CATSPERB: variants seen among roughly 807,000 people sequenced by gnomAD.
The protein encoded by CATSPERB is cation channel sperm-associated auxiliary subunit beta.
A neutral mutation model predicts 128.3 loss-of-function variants in CATSPERB; 93 were observed. That is an observed-to-expected ratio of 0.72 (90% CI 0.61 to 0.86). The LOEUF (loss-of-function observed/expected upper bound fraction) is 0.86. CATSPERB is among the 40% of genes least tolerant of loss of function. The pLI is 0.00. For missense variants in CATSPERB, 1,153 were observed against 1,329.5 expected, an observed-to-expected ratio of 0.87 and a Z score of 2.06; for synonymous variants, 381 against 448.8, an observed-to-expected ratio of 0.85 and a Z score of 1.91.
intron 22 of CATSPERB, among the ~76,000 whole-genome samples, chr14:91,600,349 A>G (rs1296790306): frequency 1.3e-5 from 2 of 152,196 alleles, no homozygotes; most frequent in Non-Finnish European, 2.9e-5. Context: ...TTTGATTTGT[A>G]TATCTCTAAT....
chr14:91,639,372 C>T, intron 15 of CATSPERB, 122 bp from the exon 16 acceptor site: 3 of 751,748 alleles, frequency 4.0e-6, no homozygotes, highest in Non-Finnish European at 6.3e-6. Context: ...CCCTGAGACT[C>T]CTGAATTAGG....
chr14:91,705,816 T>C (rs902022256), intron 6 of CATSPERB, among the ~76,000 whole-genome samples: 2 of 152,216 alleles, frequency 1.3e-5, no homozygotes, highest in African/African-American at 2.4e-5. Flanking sequence ...GGGTAGACAA[T>C]GAGCCTTTCG....
At chr14:91,655,818 G>T (rs892464968) in intron 15 of CATSPERB, among the ~76,000 whole-genome samples, 8 of 152,042 alleles carry the variant, frequency 5.3e-5, no homozygotes, top group African/African-American at 1.9e-4. Context: ...CTTAGAGAAA[G>T]ATATCAATAT....
rs1566732458 is a variant in CATSPERB, at chr14:91,691,521, A to G, written c.864+2T>C. On this transcript the variant is annotated splice_donor_variant, in intron 10 of 26. Coordinates refer to ENST00000256343, the MANE Select transcript of CATSPERB (RefSeq NM_024764.4). LOFTEE classifies it high-confidence loss of function. ...AGCCCTGGGAAATATAAAGCTTCTT[A>G]CCCTTTCAAAACCACAAAAGTCTGC... The G allele has an allele frequency of 6.2e-7, 1 of 1,602,208 alleles. No individual in the cohort carries two copies.
At chr14:91,694,119 T>TAA (rs33993044) in intron 7 of CATSPERB, among the ~76,000 whole-genome samples, 1,592 of 151,414 alleles carry the variant, frequency 0.011, 27 homozygotes, top group African/African-American at 0.035. Context: ...ACATAAATAA[T>TAA]AAAAAAAAAT....
At chr14:91,686,472 A>G (rs1895377563) in intron 10 of CATSPERB, among the ~76,000 whole-genome samples, 1 of 152,174 alleles carries the variant, frequency 6.6e-6, no homozygotes, top group Non-Finnish European at 1.5e-5. Context: ...ATCATTAGTA[A>G]AAGAGGTCTT....
At chr14:91,622,015 CA>C (rs1894057753) in intron 18 of CATSPERB, 78 bp from the exon 19 acceptor site, 1 of 908,638 alleles carries the variant, frequency 1.1e-6, no homozygotes, top group Admixed American at 2.9e-5. Context: ...ACATAGCTAA[CA>C]AATACACTGT....
intron 11 of CATSPERB, among the ~76,000 whole-genome samples, chr14:91,677,741 T>C (rs910683987): frequency 6.6e-6 from 1 of 152,174 alleles, no homozygotes; most frequent in African/African-American, 2.4e-5. Flanking sequence ...CATTCTACTA[T>C]AAAGGCACAT....
At chr14:91,668,503 G>A (rs1170988006) in intron 14 of CATSPERB, among the ~76,000 whole-genome samples, 4 of 152,192 alleles carry the variant, frequency 2.6e-5, no homozygotes, top group African/African-American at 9.7e-5. Flanking sequence ...AGATGTGGGT[G>A]GGGCCAAATA....
At chr14:91,693,006 C>T (rs571297625) in intron 9 of CATSPERB, 120 bp downstream of exon 9, 280 of 726,832 alleles carry the variant, frequency 3.9e-4, no homozygotes, top group Non-Finnish European at 5.3e-4. Context: ...TTATGTTTTT[C>T]GAAAGAAAGA....
At chr14:91,649,501 C>CA (rs1421837172) in intron 15 of CATSPERB, among the ~76,000 whole-genome samples, 7 of 145,466 alleles carry the variant, frequency 4.8e-5, no homozygotes, top group Non-Finnish European at 9.1e-5. Context: ...ATTGTACACA[C>CA]TTTTTTTTTT....
chr14:91,590,642 T>TG (rs202144767), intron 23 of CATSPERB, among the ~76,000 whole-genome samples: 38 of 148,032 alleles, frequency 2.6e-4, no homozygotes, highest in South Asian at 1.3e-3. Flanking sequence ...AGATGTCTTT[T>TG]TTTGTTTGTT....
chr14:91,697,221 A>G (rs1220563807), intron 7 of CATSPERB, among the ~76,000 whole-genome samples: 1 of 152,128 alleles, frequency 6.6e-6, no homozygotes, highest in Middle Eastern at 3.2e-3. Flanking sequence ...AGGAGCAGAG[A>G]TGGTTTTAGA....
At chr14:91,697,206 A>G (rs1480808101) in intron 7 of CATSPERB, among the ~76,000 whole-genome samples, 1 of 152,192 alleles carries the variant, frequency 6.6e-6, no homozygotes, top group Non-Finnish European at 1.5e-5. Flanking sequence ...CTGCTCTTGC[A>G]GGGCAGGAGC....
At chr14:91,581,448 C>A (rs1893206136) in intron 26 of CATSPERB, among the ~76,000 whole-genome samples, 1 of 152,182 alleles carries the variant, frequency 6.6e-6, no homozygotes. Flanking sequence ...GAATGCCTAC[C>A]TGCCTAGGGC....
At chr14:91,665,052 G>T (rs1894958372) in intron 14 of CATSPERB, among the ~76,000 whole-genome samples, 1 of 131,942 alleles carries the variant, frequency 7.6e-6, no homozygotes, top group Middle Eastern at 4.0e-3. Flanking sequence ...ACCACACCTG[G>T]ATAATTTTTT....
chr14:91,623,708 C>G (rs987867795), intron 18 of CATSPERB, among the ~76,000 whole-genome samples: 2 of 152,190 alleles, frequency 1.3e-5, no homozygotes, highest in African/African-American at 4.8e-5. Flanking sequence ...CCAGTCTGTT[C>G]TCATCACAGC....
chr14:91,640,073 C>G (rs1351512901), intron 15 of CATSPERB, among the ~76,000 whole-genome samples: 1 of 152,098 alleles, frequency 6.6e-6, no homozygotes, highest in Non-Finnish European at 1.5e-5. Context: ...TAGCTAACTG[C>G]CTTCCAACAG....
chr14:91,665,317 T>C (rs1894965030), intron 14 of CATSPERB, among the ~76,000 whole-genome samples: 1 of 152,188 alleles, frequency 6.6e-6, no homozygotes, highest in South Asian at 2.1e-4. Flanking sequence ...CTAGGAATTC[T>C]AGAACAAAAG....
Sources: allele counts gnomAD v4.1 joint callset (sites outside exome capture counted in the v4.1 genomes callset), GRCh38; gene constraint gnomAD v4.1.1; transcripts MANE v1.5; gene names NCBI Gene and HGNC (gene_info 2026-07-23, HGNC 2026-07-21).